The following KDM5A variants were observed in gnomAD, a reference collection of about 807,000 sequenced individuals.
KDM5A encodes lysine-specific demethylase 5A.
In KDM5A, 42 loss-of-function variants were observed where a neutral mutation model predicts 193.5. The observed-to-expected ratio is 0.22, with a 90% confidence interval of 0.17 to 0.28. The LOEUF (loss-of-function observed/expected upper bound fraction) is 0.28, where lower values mean the gene tolerates loss of function less well. KDM5A is among the 10% of genes least tolerant of loss of function. The pLI is 1.00. For missense variants in KDM5A, 1,692 were observed against 2,055.1 expected (o/e 0.82, Z 3.42); for synonymous variants, 796 against 718.1 (o/e 1.11, Z -1.73).
intron 10 of KDM5A, 76 bp from the exon 11 acceptor site, chr12:334,498 C>G (rs2137426402): frequency 3.1e-6 from 4 of 1,273,872 alleles, no homozygotes; most frequent in Non-Finnish European, 4.6e-6. Context: ...GGGAGTCTTC[C>G]CAGAAAATTT....
Position 310,970 on chromosome 12 carries a change from T to G in KDM5A, c.3131A>C (p.Glu1044Ala). Residue 1044 changes from glutamate to alanine, a missense_variant, in exon 21 of 28, where the codon GAA becomes GCA. Glu to Ala is a moderately radical substitution (Grantham distance 107). Coordinates refer to ENST00000399788, the MANE Select transcript of KDM5A (RefSeq NM_001042603.3). The stretch of plus-strand genomic sequence containing the variant: ...TGCCCGTGCTGCTGCTACCTGTGAT[T>G]CCACTTGCGGCAGTGCTTCAAGACG... ...PVRLEALPQV[E>A]SQVAAARAWR... 6.2e-7 allele frequency: 1 copy of G among 1,614,222 alleles called. No individual in the cohort carries two copies. The highest frequency in any genetic ancestry group is 8.5e-7 in the Non-Finnish European group (1 of 1,180,036).
chr12:354,486 A>T (rs984902385), intron 7 of KDM5A, among the ~76,000 whole-genome samples: 4 of 152,128 alleles, frequency 2.6e-5, no homozygotes, highest in African/African-American at 9.7e-5. Flanking sequence ...TAAAGACTAC[A>T]GGCCAGGCAC....
chr12:295,609 G>C lies in KDM5A; in HGVS notation c.4419C>G (p.His1473Gln). The change falls in exon 26 of 28, where the codon CAC becomes CAG. Residue 1473 changes from histidine (H) to glutamine (Q), a missense_variant. By Grantham distance (24) the His-to-Gln change is conservative (BLOSUM62 0). Coordinates refer to ENST00000399788, the MANE Select transcript of KDM5A (RefSeq NM_001042603.3). The stretch of plus-strand genomic sequence containing the variant: ...GCAAGAATCTGTCTTCAGAGGGTGG[G>C]TGTGTGGCCTGCAAAATCCGCCATA... Reference protein sequence around the residue: ...QHIWRILQATHPPSEDRFLHI... With the variant: ...QHIWRILQATQPPSEDRFLHI... 1.2e-6 allele frequency: 2 copies of C among 1,614,104 alleles called. No homozygotes were observed. Among genetic ancestry groups the C allele is most frequent in the Non-Finnish European group, 1.7e-6 (2 of 1,179,988 alleles).
intron 19 of KDM5A, among the ~76,000 whole-genome samples, chr12:315,993 C>T (rs1943646967): frequency 6.6e-6 from 1 of 152,116 alleles, no homozygotes; most frequent in African/African-American, 2.4e-5. Flanking sequence ...TCCAGAGAGA[C>T]TGTACAGAGT....
intron 20 of KDM5A, among the ~76,000 whole-genome samples, chr12:311,769 C>T (rs1234163638): frequency 5.3e-5 from 8 of 152,128 alleles, no homozygotes; most frequent in African/African-American, 9.7e-5. Context: ...CGCGGTGGCT[C>T]ACGCCTGTAA....
At chr12:330,092 T>A (rs574690533) in intron 13 of KDM5A, among the ~76,000 whole-genome samples, 2 of 151,170 alleles carry the variant, frequency 1.3e-5, no homozygotes, top group Non-Finnish European at 2.9e-5. Context: ...TGTGTATATA[T>A]ATATATCTTA....
intron 14 of KDM5A, among the ~76,000 whole-genome samples, chr12:326,734 G>A (rs1267483205): frequency 2.0e-5 from 3 of 151,942 alleles, no homozygotes; most frequent in East Asian, 1.9e-4. Context: ...GGTGGCAGGC[G>A]CCTGTAGTCC....
At chr12:382,715 C>T (rs918953108) in intron 3 of KDM5A, among the ~76,000 whole-genome samples, 1 of 152,016 alleles carries the variant, frequency 6.6e-6, no homozygotes, top group Admixed American at 6.6e-5. Context: ...GAGCGGATCA[C>T]GAGGTCAGAA....
chr12:318,595 G>C (rs1943679178), intron 18 of KDM5A, 134 bp from the exon 19 acceptor site: 2 of 653,724 alleles, frequency 3.1e-6, no homozygotes, highest in African/African-American at 3.7e-5. Context: ...CAAATATTCA[G>C]ATATGACAGT....
At chr12:324,183 G>A (rs1943756112) in intron 14 of KDM5A, among the ~76,000 whole-genome samples, 1 of 152,124 alleles carries the variant, frequency 6.6e-6, no homozygotes, top group South Asian at 2.1e-4. Flanking sequence ...GTGCATGCCT[G>A]TAGTCCCAGC....
intron 20 of KDM5A, among the ~76,000 whole-genome samples, chr12:311,911 G>A (rs1046170946): frequency 4.3e-4 from 66 of 152,194 alleles, no homozygotes; most frequent in Non-Finnish European, 1.3e-4. Context: ...GCATGCGCCT[G>A]TAGTCCCAGC....
At chr12:309,559 A>C (rs529704350) in intron 22 of KDM5A, among the ~76,000 whole-genome samples, 2 of 152,378 alleles carry the variant, frequency 1.3e-5, no homozygotes, top group South Asian at 4.1e-4. Flanking sequence ...GGAACAGCAG[A>C]CAACTATTAA....
chr12:355,094 T>A, intron 7 of KDM5A, 64 bp downstream of exon 7: 1 of 980,408 alleles, frequency 1.0e-6, no homozygotes, highest in South Asian at 1.3e-5. Flanking sequence ...TATATCAGGA[T>A]AGAAAGTGCA....
In KDM5A at chr12:287,365, T is replaced by C. The variant is rs546386439; in HGVS notation, c.4867-1703A>G. ...GCTGGCCCTCTGTGATATCACTTCCTGTAAATTCAGAGCAACTTAACAATA... is the reference window on the plus strand; with the variant it reads ...GCTGGCCCTCTGTGATATCACTTCCCGTAAATTCAGAGCAACTTAACAATA... On this transcript the variant is annotated intron_variant, in intron 27 of 27. Transcript: ENST00000399788. 1.6e-4 allele frequency among the ~76,000 whole-genome samples: 24 copies of C among 152,284 alleles called. No homozygotes were observed. In the South Asian group the frequency reaches 5.0e-3, roughly 32 times the overall value.
intron 19 of KDM5A, among the ~76,000 whole-genome samples, chr12:313,469 C>A (rs1428768786): frequency 6.6e-6 from 1 of 152,086 alleles, no homozygotes; most frequent in Non-Finnish European, 1.5e-5. Context: ...TTTCCCCGGT[C>A]ATTTAGTGTA....
intron 3 of KDM5A, among the ~76,000 whole-genome samples, chr12:376,055 C>T (rs1209229819): frequency 1.3e-5 from 2 of 152,212 alleles, no homozygotes; most frequent in East Asian, 1.9e-4. Context: ...GCAGTCTGCC[C>T]GTTCTCAGAT....
At chr12:340,436 C>T (rs991107159) in intron 10 of KDM5A, among the ~76,000 whole-genome samples, 1 of 152,116 alleles carries the variant, frequency 6.6e-6, no homozygotes, top group South Asian at 2.1e-4. Context: ...TGGCTCACGC[C>T]TGTAATCCCA....
At chr12:298,319 C>T (rs945128141) in intron 24 of KDM5A, among the ~76,000 whole-genome samples, 1 of 152,226 alleles carries the variant, frequency 6.6e-6, no homozygotes, top group Non-Finnish European at 1.5e-5. Context: ...CTGGCCAGTG[C>T]CCCTCTGGGA....
rs1310396874 is a variant in KDM5A at position 372,107 on chromosome 12, TTAAAG to T, written c.367-6008_367-6004del. 3.3e-5 allele frequency among the ~76,000 whole-genome samples: 5 copies of T among 152,204 alleles called. No homozygotes were observed. The East Asian group carries it at 5.8e-4, about 18-fold the overall frequency. The stretch of plus-strand genomic sequence containing the variant: ...GCTCTTTTTTGGTTCCGTATGAACT[TTAAAG>T]TAGTTTTTTCCAATTCTGTGAAGAA... On this transcript the variant is annotated intron_variant, in intron 3 of 27. Transcript: ENST00000399788.
Sources: allele counts gnomAD v4.1 joint callset (sites outside exome capture counted in the v4.1 genomes callset), GRCh38; gene constraint gnomAD v4.1.1; transcripts MANE v1.5; gene names NCBI Gene and HGNC (gene_info 2026-07-23, HGNC 2026-07-21).